The following PTCHD4 variants were observed in gnomAD, a reference collection of about 807,000 sequenced individuals.
The protein encoded by PTCHD4 is patched domain-containing protein 4.
In PTCHD4, 33 loss-of-function variants were observed where a neutral mutation model predicts 58.1. That is an observed-to-expected ratio of 0.57 (90% confidence interval 0.43 to 0.76). The LOEUF is 0.76. Ranked by LOEUF, PTCHD4 falls within the 30% of genes least tolerant of loss-of-function variation. PTCHD4 has a pLI of 0.00. For synonymous variants in PTCHD4, 478 were observed against 409.6 expected (o/e 1.17, Z -2.02); for missense variants, 1,058 against 1,027.1 (o/e 1.03, Z -0.41).
At position 47,878,104 on chromosome 6, in the gene PTCHD4, T is replaced by C. The variant is rs1189324701; in HGVS notation, c.*199A>G. Reference sequence around the variant, plus strand: ...AACTTGTTTTTAGAGGAGAACAAGGTTGCAAATAACTTTTTCCTCTTTTTT... The same window carrying C: ...AACTTGTTTTTAGAGGAGAACAAGGCTGCAAATAACTTTTTCCTCTTTTTT... On this transcript the variant is annotated 3_prime_UTR_variant, in exon 5 of 5. Coordinates refer to ENST00000339488, the MANE Select transcript of PTCHD4 (RefSeq NM_001384253.1). The C allele has an allele frequency of 8.2e-6, 4 of 487,618 alleles. No homozygotes were observed. The highest frequency in any genetic ancestry group is 5.9e-5 in the African/African-American group (3 of 50,662). The allele number at this position is 487,618 out of a possible 1,614,324, so 30.2% of individuals were successfully genotyped here.
chr6:48,079,871 T>C (rs1459209285), intron 1 of PTCHD4, among the ~76,000 whole-genome samples: 2 of 151,892 alleles, frequency 1.3e-5, no homozygotes, highest in East Asian at 3.9e-4. Flanking sequence ...TTATAGTATA[T>C]TGGTGAAGAG....
intron 4 of PTCHD4, among the ~76,000 whole-genome samples, chr6:47,966,736 A>T (rs1042872640): frequency 6.6e-6 from 1 of 151,850 alleles, no homozygotes; most frequent in Non-Finnish European, 1.5e-5. Context: ...CAAGAAACCA[A>T]TTTTTTTTGC....
chr6:48,051,973 C>T (rs887982150), intron 3 of PTCHD4, among the ~76,000 whole-genome samples: 5 of 151,974 alleles, frequency 3.3e-5, no homozygotes, highest in Admixed American at 1.3e-4. Context: ...ATTTACCTGT[C>T]TTCTTTCCTG....
In PTCHD4 at chr6:47,867,473, A is replaced by T. The variant is rs1378329015; in HGVS notation, c.*10830T>A. 1.3e-5 allele frequency among the ~76,000 whole-genome samples: 2 copies of T among 151,800 alleles called. No individual in the cohort carries two copies. The highest frequency in any genetic ancestry group is 2.9e-5 in the Non-Finnish European group (2 of 67,844). On this transcript the variant is annotated 3_prime_UTR_variant, in exon 5 of 5. Coordinates refer to ENST00000339488, the MANE Select transcript of PTCHD4 (RefSeq NM_001384253.1). Reference sequence around the variant, plus strand: ...CATTTAAGCCCAAGGATACATCATAAAAAGAGCTTTTTCTTTATGATCCCT... The same window carrying T: ...CATTTAAGCCCAAGGATACATCATATAAAGAGCTTTTTCTTTATGATCCCT...
chr6:47,980,215 G>A (rs1767829450), intron 4 of PTCHD4, among the ~76,000 whole-genome samples: 1 of 151,988 alleles, frequency 6.6e-6, no homozygotes, highest in South Asian at 2.1e-4. Flanking sequence ...GAAGGAAGAA[G>A]ATTTCCCAGA....
At chr6:47,948,236 AGAGGC>A in intron 4 of PTCHD4, among the ~76,000 whole-genome samples, 1 of 152,308 alleles carries the variant, frequency 6.6e-6, no homozygotes, top group South Asian at 2.1e-4. Flanking sequence ...CTCAGCTCCT[AGAGGC>A]TACCCTTAGC....
chr6:48,062,713 T>C (rs1029131830), intron 3 of PTCHD4, among the ~76,000 whole-genome samples: 3 of 152,156 alleles, frequency 2.0e-5, no homozygotes, highest in Non-Finnish European at 4.4e-5. Flanking sequence ...TTGGGTGCTA[T>C]GATCAAAGTC....
intron 4 of PTCHD4, among the ~76,000 whole-genome samples, chr6:47,984,391 T>G (rs1302297773): frequency 6.6e-6 from 1 of 152,066 alleles, no homozygotes; most frequent in African/African-American, 2.4e-5. Flanking sequence ...TACTGCCTTA[T>G]AAAACCATCA....
chr6:48,029,359 T>A (rs1763358649), intron 3 of PTCHD4, among the ~76,000 whole-genome samples: 1 of 152,034 alleles, frequency 6.6e-6, no homozygotes, highest in African/African-American at 2.4e-5. Flanking sequence ...ATTGAGACCA[T>A]GCTACTGAAG....
intron 1 of PTCHD4, among the ~76,000 whole-genome samples, chr6:48,074,114 A>G (rs1054063132): frequency 3.3e-5 from 5 of 151,806 alleles, no homozygotes; most frequent in African/African-American, 1.2e-4. Context: ...TTTGCCAGGG[A>G]TTAGCCTCAT....
At chr6:47,998,669 C>T (rs1019389041) in intron 4 of PTCHD4, among the ~76,000 whole-genome samples, 1 of 152,142 alleles carries the variant, frequency 6.6e-6, no homozygotes, top group Non-Finnish European at 1.5e-5. Context: ...AAAGTACACA[C>T]TAGTCAATGC....
intron 4 of PTCHD4, among the ~76,000 whole-genome samples, chr6:47,959,780 A>G (rs1303108449): frequency 6.6e-6 from 1 of 152,018 alleles, no homozygotes; most frequent in African/African-American, 2.4e-5. Flanking sequence ...GAAGAAAAAA[A>G]TCTGTCCATC....
At chr6:47,958,673 C>G (rs1362385008) in intron 4 of PTCHD4, among the ~76,000 whole-genome samples, 1 of 152,168 alleles carries the variant, frequency 6.6e-6, no homozygotes, top group Non-Finnish European at 1.5e-5. Flanking sequence ...TCTGCAGAGT[C>G]TGCTTCAAGA....
chr6:47,931,854 T>G (rs879890676), intron 4 of PTCHD4, among the ~76,000 whole-genome samples: 2 of 152,170 alleles, frequency 1.3e-5, no homozygotes, highest in Non-Finnish European at 2.9e-5. Flanking sequence ...CCTCCCAAAG[T>G]TCCTGTAGGG....
At chr6:48,075,628 T>C (rs1163284952) in intron 1 of PTCHD4, among the ~76,000 whole-genome samples, 1 of 152,168 alleles carries the variant, frequency 6.6e-6, no homozygotes, top group Non-Finnish European at 1.5e-5. Context: ...AAAGCAACTA[T>C]TGCAATAAAG....
chr6:47,972,776 C>T lies in PTCHD4; in HGVS notation c.898+35858G>A, dbSNP rs1325715. ...GCTTCACCTAATGTTAATGATGATG[C>T]TTCTAAGTGATGAGACTTGGAATTA... On this transcript the variant is annotated intron_variant, in intron 4 of 4. Coordinates refer to ENST00000339488, the MANE Select transcript of PTCHD4 (RefSeq NM_001384253.1). Among the ~76,000 whole-genome samples the T allele has an allele frequency of 8.5e-3, 1,299 of 152,006 alleles. 14 individuals are homozygous for T. Among genetic ancestry groups the T allele is most frequent in the South Asian group, 0.033 (161 of 4,824 alleles).
chr6:47,938,336 C>A (rs1466712222), intron 4 of PTCHD4, among the ~76,000 whole-genome samples: 2 of 152,094 alleles, frequency 1.3e-5, no homozygotes, highest in African/African-American at 4.8e-5. Context: ...GTATGTCTAA[C>A]AATTTTTCAG....
chr6:47,982,551 C>T (rs1767920901), intron 4 of PTCHD4, among the ~76,000 whole-genome samples: 1 of 147,590 alleles, frequency 6.8e-6, no homozygotes, highest in South Asian at 2.1e-4. Context: ...TGCAGTGGCG[C>T]GATCTCAGCT....
In PTCHD4 at chr6:47,859,273, A is replaced by T. The variant is rs532278195; in HGVS notation, c.*19030T>A. On this transcript the variant is annotated 3_prime_UTR_variant, in exon 5 of 5. Coordinates refer to ENST00000339488, the MANE Select transcript of PTCHD4 (RefSeq NM_001384253.1). ...TTCAGCAGTATTTCTTTTTCTTTCC[A>T]TTGACAAGCTAGGATACGAGCACAG... 1.1e-4 allele frequency among the ~76,000 whole-genome samples: 16 copies of T among 152,026 alleles called. No individual in the cohort carries two copies. The highest frequency in any genetic ancestry group is 3.4e-4 in the African/African-American group (14 of 41,508).
Sources: gnomAD v4.1 joint callset for allele counts (sites outside exome capture counted in the v4.1 genomes callset) on GRCh38, gnomAD v4.1.1 for gene constraint, MANE v1.5 for transcripts, NCBI Gene and HGNC (gene_info 2026-07-23, HGNC 2026-07-21) for gene names.